Variants in PDGFRA observed in about 807,000 individuals in gnomAD.
The protein encoded by PDGFRA is platelet-derived growth factor receptor alpha.
PDGFRA carries 25 observed loss-of-function variants against 121.5 expected under a neutral mutation model. The ratio of observed to expected loss-of-function variants is 0.21; its 90% CI spans 0.15 to 0.29. The LOEUF is 0.29. Ranked by LOEUF, PDGFRA falls within the 10% of genes least tolerant of loss-of-function variation. The probability of loss-of-function intolerance (pLI) is 1.00; values close to 1 mark genes in which losing one functional copy is unlikely to be tolerated. For missense variants in PDGFRA, 1,008 were observed against 1,345.1 expected (o/e 0.75, Z 3.92); for synonymous variants, 463 against 494.8 (o/e 0.94, Z 0.85).
chr4:54,268,683 G>C (rs1478684008), intron 7 of PDGFRA, among the ~76,000 whole-genome samples: 1 of 147,414 alleles, frequency 6.8e-6, no homozygotes. Flanking sequence ...CTATAGAATA[G>C]TAAAGGAAAA....
chr4:54,257,145 G>T (rs1360211941), intron 1 of PDGFRA, among the ~76,000 whole-genome samples: 1 of 152,200 alleles, frequency 6.6e-6, no homozygotes, highest in Non-Finnish European at 1.5e-5. Flanking sequence ...CCCATTATAT[G>T]CTAATTATAA....
chr4:54,245,952 C>G (rs1368832402), intron 1 of PDGFRA, among the ~76,000 whole-genome samples: 2 of 151,796 alleles, frequency 1.3e-5, no homozygotes, highest in East Asian at 1.9e-4. Flanking sequence ...CAACAAAGAT[C>G]AAAAGAGACA....
intron 4 of PDGFRA, 81 bp from the exon 5 acceptor site, chr4:54,264,838 A>C: frequency 1.5e-6 from 2 of 1,361,932 alleles, no homozygotes; most frequent in Non-Finnish European, 2.0e-6. Context: ...TTTTCTTAAA[A>C]AAAAAAAAAA....
Position 54,261,190 on chromosome 4 carries a change from T to C in PDGFRA, c.145T>C (p.Cys49Arg). Reference protein sequence around the residue: ...VQLNSSFSLRCFGESEVSWQY... With the variant: ...VQLNSSFSLRRFGESEVSWQY... ...GCTGAATTCATCCTTTTCTCTGAGA[T>C]GCTTTGGGGAGAGTGAAGTGAGCTG... Residue 49 changes from cysteine to arginine, a missense_variant, in exon 3 of 23, where the codon TGC (cysteine) becomes CGC (arginine). Coordinates refer to ENST00000257290, the MANE Select transcript of PDGFRA (RefSeq NM_006206.6). 2 of 1,614,146 alleles carry C rather than the reference T, an allele frequency of 1.2e-6. No individual in the cohort carries two copies. The highest frequency in any genetic ancestry group is 1.1e-5 in the South Asian group (1 of 91,078).
chr4:54,290,236 A>C, intron 21 of PDGFRA, 77 bp from the exon 22 acceptor site: 1 of 1,174,026 alleles, frequency 8.5e-7, no homozygotes, highest in Non-Finnish European at 1.3e-6. Context: ...AAATAATAGT[A>C]AGTTCTGAGT....
intron 22 of PDGFRA, among the ~76,000 whole-genome samples, chr4:54,294,896 TTGA>T (rs1724800767): frequency 2.6e-5 from 4 of 152,070 alleles, no homozygotes; most frequent in African/African-American, 9.7e-5. Context: ...GTCAGTAACT[TTGA>T]TGAAAGACCC....
intron 1 of PDGFRA, among the ~76,000 whole-genome samples, chr4:54,236,419 T>G (rs1721012256): frequency 6.6e-6 from 1 of 152,212 alleles, no homozygotes; most frequent in African/African-American, 2.4e-5. Context: ...TTCCCCATGT[T>G]TCCCATTTTT....
chr4:54,269,701 G>A (rs1012853146), intron 7 of PDGFRA, among the ~76,000 whole-genome samples: 9 of 148,946 alleles, frequency 6.0e-5, no homozygotes, highest in African/African-American at 9.9e-5. Context: ...GGAGTGCAGC[G>A]GTACGATCAC....
chr4:54,278,384 G>T lies in PDGFRA; in HGVS notation c.2025G>T (p.Glu675Asp). Reference protein sequence around the residue: ...TKSGPIYIITEYCFYGDLVNY... With the variant: ...TKSGPIYIITDYCFYGDLVNY... ...TAGGCCCCATTTACATCATCACAGA[G>T]TATTGCTTCTATGGAGATTTGGTCA... The change falls in exon 15 of 23, where the codon GAG becomes GAT. Residue 675 changes from glutamate (E) to aspartate (D), a missense_variant. Coordinates refer to ENST00000257290, the MANE Select transcript of PDGFRA (RefSeq NM_006206.6). The T allele has an allele frequency of 1.2e-6, 2 of 1,613,684 alleles. No homozygotes were observed. The highest frequency in any genetic ancestry group is 1.7e-6 in the Non-Finnish European group (2 of 1,179,772).
intron 1 of PDGFRA, among the ~76,000 whole-genome samples, chr4:54,257,085 C>G (rs1405249529): frequency 6.6e-6 from 1 of 152,182 alleles, no homozygotes; most frequent in Non-Finnish European, 1.5e-5. Flanking sequence ...GAAGCCGAAA[C>G]CCACCAAAAC....
At chr4:54,261,048 CTG>C (rs1722672816) in intron 2 of PDGFRA, 45 bp from the exon 3 acceptor site, 1 of 1,536,684 alleles carries the variant, frequency 6.5e-7, no homozygotes, top group African/African-American at 1.4e-5. Context: ...CGGGATGAGA[CTG>C]TCCTTTCTGA....
chr4:54,231,429 T>A (rs1202078573), intron 1 of PDGFRA, among the ~76,000 whole-genome samples: 1 of 152,190 alleles, frequency 6.6e-6, no homozygotes, highest in East Asian at 1.9e-4. Context: ...TCCTCCGCAG[T>A]GCATCTCACC....
At chr4:54,250,749 G>A (rs1722011764) in intron 1 of PDGFRA, among the ~76,000 whole-genome samples, 1 of 152,136 alleles carries the variant, frequency 6.6e-6, no homozygotes, top group African/African-American at 2.4e-5. Context: ...ACTCTAAAAT[G>A]CAAGCCTCTG....
intron 7 of PDGFRA, 24 bp downstream of exon 7, chr4:54,267,765 A>G: frequency 6.2e-7 from 1 of 1,604,658 alleles, no homozygotes; most frequent in African/African-American, 1.3e-5. Flanking sequence ...CTGCCCAAGT[A>G]TGCCTTTTTT....
At chr4:54,284,553 TGAGAGAGAGACAGAGAGAGAGA>T (rs1482982128) in intron 16 of PDGFRA, among the ~76,000 whole-genome samples, 3 of 72,880 alleles carry the variant, frequency 4.1e-5, no homozygotes, top group Admixed American at 3.3e-4. Context: ...CAGGAGCAAG[TGAGAGAGAGACAGAGAGAGAGA>T]GAGAGAGAGA....
chr4:54,265,981 A>T (rs1271614883), intron 5 of PDGFRA, among the ~76,000 whole-genome samples: 1 of 151,930 alleles, frequency 6.6e-6, no homozygotes, highest in African/African-American at 2.4e-5. Flanking sequence ...GCTGCTTTTC[A>T]TTTGTCCTGG....
At chr4:54,241,051 T>G (rs1438121161) in intron 1 of PDGFRA, among the ~76,000 whole-genome samples, 1 of 152,200 alleles carries the variant, frequency 6.6e-6, no homozygotes, top group Non-Finnish European at 1.5e-5. Context: ...TCCAAGCATT[T>G]CTCAAGCTCA....
chr4:54,290,299 A>G lies in PDGFRA; in HGVS notation c.2881-14A>G. 6.2e-7 allele frequency: 1 copy of G among 1,600,882 alleles called. No individual in the cohort carries two copies. The highest frequency in any genetic ancestry group is 8.6e-7 in the Non-Finnish European group (1 of 1,167,938). On this transcript the variant is annotated splice_polypyrimidine_tract_variant and intron_variant, in intron 21 of 22. Coordinates refer to ENST00000257290, the MANE Select transcript of PDGFRA (RefSeq NM_006206.6). ...GTTAACACTTGATTAAATATGTTCAATGAATGTTTATAGAGTTATGAAAAA... is the reference window on the plus strand; with the variant it reads ...GTTAACACTTGATTAAATATGTTCAGTGAATGTTTATAGAGTTATGAAAAA...
intron 1 of PDGFRA, among the ~76,000 whole-genome samples, chr4:54,234,975 G>A (rs1458701618): frequency 2.0e-5 from 3 of 152,176 alleles, no homozygotes; most frequent in Admixed American, 2.0e-4. Flanking sequence ...TTACTGGAAT[G>A]TCTGATGGAG....
Sources: allele counts gnomAD v4.1 joint callset (sites outside exome capture counted in the v4.1 genomes callset), GRCh38; gene constraint gnomAD v4.1.1; transcripts MANE v1.5; gene names NCBI Gene and HGNC (gene_info 2026-07-23, HGNC 2026-07-21).